GLIS1: variants seen among roughly 807,000 people sequenced by gnomAD.
The protein encoded by GLIS1 is zinc finger protein GLIS1.
Under a neutral mutation model 63.8 loss-of-function variants are expected in GLIS1, and 24 were observed. The observed-to-expected ratio is 0.38, with a 90% CI of 0.27 to 0.53. GLIS1 has a LOEUF of 0.53. GLIS1 is among the 20% of genes least tolerant of loss of function. The probability of loss-of-function intolerance (pLI) is 0.85; values close to 1 mark genes in which losing one functional copy is unlikely to be tolerated. For synonymous variants in GLIS1, 450 were observed against 482.5 expected (o/e 0.93, Z 0.88); for missense variants, 1,036 against 1,074.1 (o/e 0.96, Z 0.50).
rs1644885854 is a variant in GLIS1, at chr1:53,560,929, G to C, written c.1321-30977C>G. Among the ~76,000 whole-genome samples, 2 of 152,182 alleles carry C rather than the reference G, an allele frequency of 1.3e-5. No homozygotes were observed. Among genetic ancestry groups the C allele is most frequent in the African/African-American group, 4.8e-5 (2 of 41,436 alleles). ...GCCCACAGCCAGGCAGCCAGGCAGAGCTCCAGAGAGGAGGCCGGGCCCACA... is the reference window on the plus strand; with the variant it reads ...GCCCACAGCCAGGCAGCCAGGCAGACCTCCAGAGAGGAGGCCGGGCCCACA... On this transcript the variant is annotated intron_variant, in intron 4 of 10. Coordinates refer to ENST00000628545, the MANE Select transcript of GLIS1 (RefSeq NM_001367484.1). This position sits in a 1 kb window ranked among gnomAD's most constrained non-coding sequence, Gnocchi z 4.4.
chr1:53,540,774 C>G (rs1345625490), intron 4 of GLIS1, among the ~76,000 whole-genome samples: 1 of 152,220 alleles, frequency 6.6e-6, no homozygotes, highest in Non-Finnish European at 1.5e-5. Flanking sequence ...GTACAGGTGA[C>G]AGACGCATCC....
chr1:53,632,824 ATGAG>A (rs1256782173), intron 2 of GLIS1, among the ~76,000 whole-genome samples: 5 of 136,184 alleles, frequency 3.7e-5, no homozygotes, highest in Admixed American at 7.5e-5. Context: ...AGGTGTATGA[ATGAG>A]TGTGACTAAG....
chr1:53,712,409 C>T (rs1196514722), intron 2 of GLIS1, among the ~76,000 whole-genome samples: 1 of 152,260 alleles, frequency 6.6e-6, no homozygotes, highest in Non-Finnish European at 1.5e-5. Context: ...TGCTCACCAT[C>T]TAGCAAAGGG....
chr1:53,657,024 A>C (rs367689764), intron 2 of GLIS1, among the ~76,000 whole-genome samples: 1 of 141,614 alleles, frequency 7.1e-6, no homozygotes, highest in Non-Finnish European at 1.6e-5. Flanking sequence ...GCGATATCAC[A>C]GTCCCCACAC....
chr1:53,525,535 C>A (rs957427829), intron 5 of GLIS1, among the ~76,000 whole-genome samples: 3 of 140,328 alleles, frequency 2.1e-5, no homozygotes, highest in Admixed American at 7.1e-5. Flanking sequence ...CAAGTCTCTT[C>A]CCCTCAGGCC....
intron 2 of GLIS1, among the ~76,000 whole-genome samples, chr1:53,641,147 T>C (rs1393486935): frequency 1.3e-5 from 2 of 152,170 alleles, no homozygotes; most frequent in Non-Finnish European, 2.9e-5. Flanking sequence ...GTCTGCGGTG[T>C]TGACTCTTCT....
intron 3 of GLIS1, 48 bp downstream of exon 3, chr1:53,600,053 C>T (rs1053562631): frequency 9.2e-7 from 1 of 1,091,212 alleles, no homozygotes; most frequent in African/African-American, 1.6e-5. Flanking sequence ...GGCCCATGGT[C>T]CTGGGGCCTC....
chr1:53,738,035 C>G lies in GLIS1; in HGVS notation c.30G>C (p.Ser10=), dbSNP rs969845556. 2.4e-6 allele frequency: 3 copies of G among 1,230,548 alleles called. No individual in the cohort carries two copies. Among genetic ancestry groups the G allele is most frequent in the Admixed American group, 4.2e-5 (1 of 23,652 alleles). The allele number at this position is 1,230,548 out of a possible 1,614,324, so 76.2% of individuals were successfully genotyped here. Residue 10 remains serine, a synonymous_variant, in exon 2 of 11, where the codon TCG becomes TCC. Coordinates refer to ENST00000628545, the MANE Select transcript of GLIS1 (RefSeq NM_001367484.1). MHCEVAEAH[S]DKRPKEAPGA... ...CAGGGGCCTCCTTAGGCCTCTTGTC[C>G]GAGTGTGCCTCAGCCACCTCGCAAT...
At chr1:53,517,723 T>G (rs1040905267) in intron 7 of GLIS1, among the ~76,000 whole-genome samples, 4 of 152,094 alleles carry the variant, frequency 2.6e-5, no homozygotes, top group Non-Finnish European at 5.9e-5. Context: ...AAATTTGGTG[T>G]CTCCCTCTGC....
At chr1:53,545,245 C>T (rs1177511754) in intron 4 of GLIS1, among the ~76,000 whole-genome samples, 1 of 152,196 alleles carries the variant, frequency 6.6e-6, no homozygotes, top group Non-Finnish European at 1.5e-5. Context: ...ACACAGTCTA[C>T]ACTACCTGCA....
rs555723038 is a variant in GLIS1 at position 53,574,844 on chromosome 1, A to G, written c.1320+19264T>C. On this transcript the variant is annotated intron_variant, in intron 4 of 10. Transcript: ENST00000628545. The surrounding 1 kb of genome is among the most constrained non-coding windows in gnomAD (Gnocchi z 4.2). ...GGCTGAGTTTAGTCAAGGTTTGGCCACAGGCCCGTTGGAGGGAGGATGTCT... is the reference window on the plus strand; with the variant it reads ...GGCTGAGTTTAGTCAAGGTTTGGCCGCAGGCCCGTTGGAGGGAGGATGTCT... Among the ~76,000 whole-genome samples the G allele has an allele frequency of 1.3e-5, 2 of 152,324 alleles. No individual in the cohort carries two copies. Among genetic ancestry groups the G allele is most frequent in the Admixed American group, 1.3e-4 (2 of 15,310 alleles).
chr1:53,633,022 C>T (rs532453304), intron 2 of GLIS1, among the ~76,000 whole-genome samples: 2 of 100,902 alleles, frequency 2.0e-5, no homozygotes, highest in African/African-American at 8.1e-5. Context: ...ATGAGTGTGA[C>T]CGAGGGGCAT....
Position 53,541,438 on chromosome 1 carries a change from C to T in GLIS1, c.1321-11486G>A, listed in dbSNP as rs527639365. Among the ~76,000 whole-genome samples, 4 of 152,362 alleles carry T rather than the reference C, an allele frequency of 2.6e-5. No homozygotes were observed. In the South Asian group the frequency reaches 8.3e-4, roughly 32 times the overall value. On this transcript the variant is annotated intron_variant, in intron 4 of 10. Transcript: ENST00000628545. ...CAAGAGGCCCCAAGGTGGGCTGGCC[C>T]TGTGCTGGCATCTCACGGCCATATG...
At chr1:53,547,057 G>A (rs893463254) in intron 4 of GLIS1, among the ~76,000 whole-genome samples, 34 of 152,246 alleles carry the variant, frequency 2.2e-4, no homozygotes, top group African/African-American at 8.0e-4. Context: ...CTTGCTGACT[G>A]CAACGCTGTG....
Position 53,561,028 on chromosome 1 carries a change from G to A in GLIS1, c.1321-31076C>T, listed in dbSNP as rs530681487. Reference sequence around the variant, plus strand: ...GCCCCTACTGTGTGCCCCCAGGACCGAGCCCCTACTGTGTGCCAGGCATTG... The same window carrying A: ...GCCCCTACTGTGTGCCCCCAGGACCAAGCCCCTACTGTGTGCCAGGCATTG... On this transcript the variant is annotated intron_variant, in intron 4 of 10. Transcript: ENST00000628545. 2.5e-4 allele frequency among the ~76,000 whole-genome samples: 38 copies of A among 152,188 alleles called. No homozygotes were observed. The South Asian group carries it at 6.9e-3, about 27-fold the overall frequency.
At chr1:53,655,880 A>C (rs893589301) in intron 2 of GLIS1, among the ~76,000 whole-genome samples, 1 of 152,210 alleles carries the variant, frequency 6.6e-6, no homozygotes, top group African/African-American at 2.4e-5. Flanking sequence ...TCCAACAAGC[A>C]CCAAGGTAGG....
intron 2 of GLIS1, among the ~76,000 whole-genome samples, chr1:53,676,974 T>C (rs974837282): frequency 6.6e-6 from 1 of 152,240 alleles, no homozygotes; most frequent in African/African-American, 2.4e-5. Context: ...AAGGCTGATC[T>C]ACAAAACCAG....
At chr1:53,514,602 G>A in intron 8 of GLIS1, 23 bp downstream of exon 8, 5 of 1,605,794 alleles carry the variant, frequency 3.1e-6, no homozygotes, top group South Asian at 1.1e-5. Context: ...GCCCCTGGAG[G>A]AGGACTGGCC....
intron 2 of GLIS1, among the ~76,000 whole-genome samples, chr1:53,716,893 T>C (rs1646703890): frequency 6.6e-6 from 1 of 152,166 alleles, no homozygotes; most frequent in South Asian, 2.1e-4. Context: ...GCCTGCCAAG[T>C]ATCTAGCCCA....
Sources: allele counts gnomAD v4.1 joint callset (sites outside exome capture counted in the v4.1 genomes callset), GRCh38; gene constraint gnomAD v4.1.1; non-coding constraint Gnocchi (gnomAD v3.1); transcripts MANE v1.5; gene names NCBI Gene and HGNC (gene_info 2026-07-23, HGNC 2026-07-21).